CAMKMT: variants seen among roughly 807,000 people sequenced by gnomAD.
The protein encoded by CAMKMT is calmodulin-lysine N-methyltransferase, also known as CaM KMT.
A neutral mutation model predicts 48.0 loss-of-function variants in CAMKMT; 53 were observed. The ratio of observed to expected loss-of-function variants is 1.10; its 90% CI spans 0.89 to 1.39. CAMKMT has a LOEUF of 1.39. Among genes scored for constraint, CAMKMT ranks in the 40% most tolerant of loss-of-function variants. The pLI is 0.00. For synonymous variants in CAMKMT, 165 were observed against 152.3 expected, an observed-to-expected ratio of 1.08 and a Z score of -0.61; for missense variants, 428 against 402.7, an observed-to-expected ratio of 1.06 and a Z score of -0.54.
At chr2:44,632,605 G>T (rs6714628) in intron 3 of CAMKMT, among the ~76,000 whole-genome samples, 91,324 of 151,934 alleles carry the variant, frequency 0.6, 27,954 homozygotes, top group Middle Eastern at 0.69. Flanking sequence ...TGGTTAATAC[G>T]GAGTATCAAC....
intron 3 of CAMKMT, among the ~76,000 whole-genome samples, chr2:44,566,883 T>A (rs1668644566): frequency 1.3e-5 from 2 of 152,230 alleles, no homozygotes; most frequent in African/African-American, 4.8e-5. Context: ...CAAGGATTAC[T>A]GTTAATGTGT....
chr2:44,739,558 T>C (rs1310377046), intron 7 of CAMKMT, among the ~76,000 whole-genome samples: 1 of 152,168 alleles, frequency 6.6e-6, no homozygotes, highest in African/African-American at 2.4e-5. Flanking sequence ...AATATTAAAA[T>C]AGGAAGTTGG....
At chr2:44,513,305 G>C (rs183342837) in intron 3 of CAMKMT, among the ~76,000 whole-genome samples, 1 of 150,598 alleles carries the variant, frequency 6.6e-6, no homozygotes, top group East Asian at 2.0e-4. Flanking sequence ...GAACATAGGA[G>C]TGTGACTAGT....
intron 3 of CAMKMT, among the ~76,000 whole-genome samples, chr2:44,696,526 A>T (rs1302278007): frequency 1.3e-5 from 2 of 152,200 alleles, no homozygotes; most frequent in African/African-American, 2.4e-5. Flanking sequence ...TACTCCAACA[A>T]AAAACTGGAG....
chr2:44,648,074 G>A (rs932999623), intron 3 of CAMKMT, among the ~76,000 whole-genome samples: 2 of 152,006 alleles, frequency 1.3e-5, no homozygotes, highest in African/African-American at 4.8e-5. Context: ...TTGTTAAAAA[G>A]AATGAGGTCA....
intron 3 of CAMKMT, among the ~76,000 whole-genome samples, chr2:44,689,521 G>C (rs897915711): frequency 6.6e-6 from 1 of 151,956 alleles, no homozygotes; most frequent in Non-Finnish European, 1.5e-5. Context: ...GCAGGGCCTT[G>C]GGGGAAGGCA....
At chr2:44,463,765 A>C (rs1408000938) in intron 3 of CAMKMT, among the ~76,000 whole-genome samples, 1 of 152,244 alleles carries the variant, frequency 6.6e-6, no homozygotes, top group Non-Finnish European at 1.5e-5. Flanking sequence ...GGGAATTTAC[A>C]TGCAGAGAGT....
intron 3 of CAMKMT, among the ~76,000 whole-genome samples, chr2:44,473,735 G>A (rs1057279573): frequency 4.2e-4 from 64 of 152,304 alleles, no homozygotes; most frequent in Admixed American, 6.5e-5. Flanking sequence ...TGTAGAATAA[G>A]TATGGTAGAA....
chr2:44,718,398 T>A (rs1486239878), intron 7 of CAMKMT, among the ~76,000 whole-genome samples: 1 of 152,234 alleles, frequency 6.6e-6, no homozygotes, highest in Non-Finnish European at 1.5e-5. Flanking sequence ...TCATTTGGTT[T>A]ATTTGTTGTC....
chr2:44,745,476 A>G (rs186117113), intron 8 of CAMKMT, among the ~76,000 whole-genome samples: 74 of 152,352 alleles, frequency 4.9e-4, no homozygotes, highest in African/African-American at 1.4e-3. Context: ...ACTGATATAC[A>G]TAATGCATAT....
intron 3 of CAMKMT, among the ~76,000 whole-genome samples, chr2:44,476,844 A>G (rs1668714999): frequency 6.6e-6 from 1 of 152,194 alleles, no homozygotes; most frequent in Admixed American, 6.5e-5. Context: ...GGGGATAATA[A>G]CTCAAAGGAT....
intron 1 of CAMKMT, among the ~76,000 whole-genome samples, chr2:44,368,712 G>C (rs1043562625): frequency 3.3e-5 from 5 of 152,138 alleles, no homozygotes; most frequent in Admixed American, 2.6e-4. Context: ...GGTATTTACT[G>C]TTTGGAGTTT....
At chr2:44,619,073 G>T (rs1672039293) in intron 3 of CAMKMT, among the ~76,000 whole-genome samples, 2 of 152,158 alleles carry the variant, frequency 1.3e-5, no homozygotes, top group African/African-American at 2.4e-5. Context: ...TCATGGAAGG[G>T]ATATAAACAG....
intron 3 of CAMKMT, among the ~76,000 whole-genome samples, chr2:44,448,969 C>G (rs1375186346): frequency 6.6e-6 from 1 of 152,082 alleles, no homozygotes; most frequent in African/African-American, 2.4e-5. Context: ...TAGTAGTTGC[C>G]TCGTGCAGGA....
rs927979783 is a variant in CAMKMT at position 44,660,933 on chromosome 2, A to C, written c.377-43350A>C. On this transcript the variant is annotated intron_variant, in intron 3 of 10. Transcript: ENST00000378494. ...AAAGGTACTAGCAATATATGGCATC[A>C]ATGTTATGTTTTTGGGAATAGTTTT... 9.2e-5 allele frequency among the ~76,000 whole-genome samples: 14 copies of C among 152,314 alleles called. 1 individual carries two copies. Among genetic ancestry groups the C allele is most frequent in the African/African-American group, 3.1e-4 (13 of 41,552 alleles).
intron 3 of CAMKMT, among the ~76,000 whole-genome samples, chr2:44,467,785 GA>G (rs1668201125): frequency 6.6e-6 from 1 of 152,076 alleles, no homozygotes. Context: ...ATAGTGGTGG[GA>G]AAACTGGATA....
At chr2:44,604,883 C>T (rs528541525) in intron 3 of CAMKMT, among the ~76,000 whole-genome samples, 3 of 152,076 alleles carry the variant, frequency 2.0e-5, no homozygotes, top group Non-Finnish European at 4.4e-5. Flanking sequence ...GAAAACTGAA[C>T]AAATAGGCTG....
chr2:44,561,034 TTTA>T (rs1463444158), intron 3 of CAMKMT, among the ~76,000 whole-genome samples: 1 of 152,244 alleles, frequency 6.6e-6, no homozygotes, highest in Non-Finnish European at 1.5e-5. Context: ...CCTGTCACCC[TTTA>T]TTATTATGTC....
At chr2:44,645,945 A>G (rs1673706838) in intron 3 of CAMKMT, among the ~76,000 whole-genome samples, 1 of 152,270 alleles carries the variant, frequency 6.6e-6, no homozygotes, top group African/African-American at 2.4e-5. Flanking sequence ...ATCTTTGCTC[A>G]GTGTTGAACT....
Sources: gnomAD v4.1 joint callset for allele counts (sites outside exome capture counted in the v4.1 genomes callset) on GRCh38, gnomAD v4.1.1 for gene constraint, MANE v1.5 for transcripts, NCBI Gene and HGNC (gene_info 2026-07-23, HGNC 2026-07-21) for gene names.